Variants in TIMM23B observed in about 807,000 individuals in gnomAD.
TIMM23B encodes the protein mitochondrial import inner membrane translocase subunit Tim23B.
A neutral mutation model predicts 27.3 loss-of-function variants in TIMM23B; 27 were observed. That is an observed-to-expected ratio of 0.99 (90% CI 0.73 to 1.36). The LOEUF is 1.36. TIMM23B is among the 40% of genes most tolerant of loss of function. TIMM23B has a pLI of 0.00. For missense variants in TIMM23B, 205 were observed against 244.2 expected, an observed-to-expected ratio of 0.84 and a Z score of 1.07; for synonymous variants, 73 against 92.4, an observed-to-expected ratio of 0.79 and a Z score of 1.21.
At chr10:49,953,637 C>T (rs1302944353) in intron 4 of TIMM23B, among the ~76,000 whole-genome samples, 28,926 of 152,142 alleles carry the variant, frequency 0.19, 3,296 homozygotes, top group Non-Finnish European at 0.27. Context: ...TGAGCCACTG[C>T]GCCTAGCTCT....
rs1203347234 is a variant in TIMM23B at position 49,954,919 on chromosome 10, G to A, written c.345-83G>A. ...AACTTTGCGCCCTGGGTCTAGACAT[G>A]TTAAATAGCCATTATTGTTTTTAAA... On this transcript the variant is annotated intron_variant, in intron 4 of 6. Transcript: ENST00000651259. 1.9e-6 allele frequency: 3 copies of A among 1,560,474 alleles called. No homozygotes were observed. The East Asian group carries it at 6.7e-5, about 35-fold the overall frequency.
chr10:49,945,889 T>C (rs1839341476), intron 2 of TIMM23B, among the ~76,000 whole-genome samples: 2 of 148,912 alleles, frequency 1.3e-5, no homozygotes, highest in African/African-American at 2.6e-5. Context: ...CCCCCTTTAA[T>C]GATTATAAAA....
chr10:49,947,181 T>C (rs1280781377), intron 2 of TIMM23B, among the ~76,000 whole-genome samples: 1 of 152,246 alleles, frequency 6.6e-6, no homozygotes, highest in Non-Finnish European at 1.5e-5. Flanking sequence ...GAAGAAATCA[T>C]GGGCACAAGT....
intron 1 of TIMM23B, among the ~76,000 whole-genome samples, chr10:49,944,448 T>G (rs1202421993): frequency 2.0e-5 from 3 of 152,124 alleles, no homozygotes; most frequent in African/African-American, 7.2e-5. Flanking sequence ...CTGTTTTCAA[T>G]GTTAGTGAAT....
intron 1 of TIMM23B, 140 bp from the exon 2 acceptor site, chr10:49,944,892 G>A: frequency 1.2e-6 from 1 of 867,930 alleles, no homozygotes; most frequent in South Asian, 1.5e-5. Context: ...CAGATAGGGA[G>A]GATAAAATGG....
At chr10:49,959,937 CGGGG>C in intron 6 of TIMM23B, among the ~76,000 whole-genome samples, 1 of 151,150 alleles carries the variant, frequency 6.6e-6, no homozygotes, top group Admixed American at 6.6e-5. Flanking sequence ...TTAGTAGAGA[CGGGG>C]TTTCACCATA....
intron 2 of TIMM23B, among the ~76,000 whole-genome samples, chr10:49,947,288 T>A (rs1554913352): frequency 2.0e-5 from 3 of 152,224 alleles, no homozygotes; most frequent in Non-Finnish European, 4.4e-5. Flanking sequence ...ATCAGAATTT[T>A]AAAATTTTGT....
chr10:49,953,760 T>A (rs1330557888), intron 4 of TIMM23B, among the ~76,000 whole-genome samples: 1 of 152,172 alleles, frequency 6.6e-6, no homozygotes, highest in Non-Finnish European at 1.5e-5. Flanking sequence ...TTTTAAGTTT[T>A]TGTATTATAG....
chr10:49,943,717 G>A (rs1839248974), intron 1 of TIMM23B, among the ~76,000 whole-genome samples: 1 of 149,462 alleles, frequency 6.7e-6, no homozygotes, highest in African/African-American at 2.5e-5. Context: ...CTGGGGGCAG[G>A]ACTATAGTGG....
In TIMM23B at chr10:49,952,213, A is replaced by G. The variant is rs1839554730; in HGVS notation, c.253A>G (p.Met85Val). 9 of 1,605,884 alleles carry G rather than the reference A, an allele frequency of 5.6e-6. No homozygotes were observed. The highest frequency in any genetic ancestry group is 5.3e-5 in the African/African-American group (4 of 74,834). Residue 85 changes from methionine to valine, a missense_variant, in exon 3 of 7, where the codon ATG (methionine) becomes GTG (valine). By Grantham distance (21) the Met-to-Val change is conservative. Coordinates refer to ENST00000651259, the MANE Select transcript of TIMM23B (RefSeq NM_001290117.2). ...CTTCTTTACGATTGGAGGGTGTTGC[A>G]TGACAGGTGAGTGTTACATACTTTT... ...LAFFTIGGCC[M>V]TGAAFGAMNG... is the part of the protein sequence containing the mutation.
At chr10:49,960,610 T>G (rs1216695391) in intron 6 of TIMM23B, among the ~76,000 whole-genome samples, 5 of 151,604 alleles carry the variant, frequency 3.3e-5, no homozygotes, top group Non-Finnish European at 5.9e-5. Flanking sequence ...TTCAGACAAG[T>G]TAAATTACCT....
intron 2 of TIMM23B, among the ~76,000 whole-genome samples, chr10:49,950,439 T>C (rs1228915115): frequency 1.4e-4 from 22 of 152,046 alleles, no homozygotes; most frequent in African/African-American, 4.3e-4. Context: ...ACCCTTGTTA[T>C]ATTTTTCAGT....
At chr10:49,944,600 A>T (rs1314339439) in intron 1 of TIMM23B, among the ~76,000 whole-genome samples, 1 of 152,084 alleles carries the variant, frequency 6.6e-6, no homozygotes, top group African/African-American at 2.4e-5. Flanking sequence ...AAATAGTTAG[A>T]TACAACATGT....
intron 2 of TIMM23B, among the ~76,000 whole-genome samples, chr10:49,949,795 A>G (rs1474203284): frequency 2.0e-5 from 3 of 151,038 alleles, no homozygotes; most frequent in Non-Finnish European, 3.0e-5. Flanking sequence ...GAGACATCTT[A>G]AAGAAAATAG....
intron 6 of TIMM23B, among the ~76,000 whole-genome samples, 198 bp downstream of exon 6, chr10:49,958,678 C>T (rs1358124178): frequency 1.6e-4 from 24 of 152,142 alleles, no homozygotes; most frequent in Non-Finnish European, 1.8e-4. Context: ...GTATACAGTA[C>T]ATTAGTATTA....
At position 49,948,188 on chromosome 10, in the gene TIMM23B, C is replaced by T. The variant is rs1364737765; in HGVS notation, c.165+3098C>T. On this transcript the variant is annotated intron_variant, in intron 2 of 6. Coordinates refer to ENST00000651259, the MANE Select transcript of TIMM23B (RefSeq NM_001290117.2). ...ACAATGAGATGCCTCTTTACACCCA[C>T]GGGGATCACTATAATCAAAAAGAAA... Among the ~76,000 whole-genome samples the T allele has an allele frequency of 7.2e-5, 11 of 152,188 alleles. No individual in the cohort carries two copies. In the South Asian group the frequency reaches 1.7e-3, roughly 23 times the overall value.
At chr10:49,962,395 G>GTT (rs1343389308) in intron 6 of TIMM23B, among the ~76,000 whole-genome samples, 1 of 151,978 alleles carries the variant, frequency 6.6e-6, no homozygotes, top group Non-Finnish European at 1.5e-5. Context: ...TAGAGTCGGG[G>GTT]TTTCACCATG....
At chr10:49,969,313 T>C (rs542515669) in intron 6 of TIMM23B, among the ~76,000 whole-genome samples, 102 of 151,914 alleles carry the variant, frequency 6.7e-4, no homozygotes, top group Non-Finnish European at 1.3e-3. Flanking sequence ...GGTGGGCACC[T>C]GTAGTCCCAC....
chr10:49,969,762 C>G (rs564571937), intron 6 of TIMM23B, among the ~76,000 whole-genome samples: 1 of 151,542 alleles, frequency 6.6e-6, no homozygotes, highest in Non-Finnish European at 1.5e-5. Context: ...CTCTCACTCT[C>G]CCTCTCCCCA....
Sources: gnomAD v4.1 joint callset for allele counts (sites outside exome capture counted in the v4.1 genomes callset) on GRCh38, gnomAD v4.1.1 for gene constraint, MANE v1.5 for transcripts, NCBI Gene and HGNC (gene_info 2026-07-23, HGNC 2026-07-21) for gene names.